AVEN: variants seen among roughly 807,000 people sequenced by gnomAD.
AVEN encodes the protein apoptosis and caspase activation inhibitor.
AVEN carries 41 observed loss-of-function variants against 38.1 expected under a neutral mutation model. The ratio of observed to expected loss-of-function variants is 1.08; its 90% CI spans 0.84 to 1.40. The LOEUF (loss-of-function observed/expected upper bound fraction) is 1.40. Ranked by LOEUF, AVEN falls within the 40% of genes most tolerant of loss-of-function variation. The probability of loss-of-function intolerance (pLI) is 0.00; values close to 1 mark genes in which losing one functional copy is unlikely to be tolerated. For synonymous variants in AVEN, 206 were observed against 171.8 expected (o/e 1.20, Z -1.56); for missense variants, 605 against 438.8 (o/e 1.38, Z -3.38).
rs1381411256 is a variant in AVEN at position 34,073,986 on chromosome 15, C to CTTTTTTTTTTTTTT, written n.720+449_720+450insAAAAAAAAAAAAAA. Among the ~76,000 whole-genome samples, 58 of 112,186 alleles carry CTTTTTTTTTTTTTT rather than the reference C, an allele frequency of 5.2e-4. 17 individuals carry two copies. Among genetic ancestry groups the CTTTTTTTTTTTTTT allele is most frequent in the African/African-American group, 1.5e-3 (36 of 24,268 alleles). The allele number at this position is 112,186 out of a possible 152,430, so 73.6% of individuals were successfully genotyped here. Reference sequence around the variant, plus strand: ...TGGAGGAACTTTCTTTTTTCTTCTTCTTCTTTTTTTTTTTTTTTTTTTTTT... The same window carrying CTTTTTTTTTTTTTT: ...TGGAGGAACTTTCTTTTTTCTTCTTCTTTTTTTTTTTTTTTTCTTTTTTTTTTTTTTTTTTTTTT... On this transcript the variant is annotated intron_variant and non_coding_transcript_variant, in intron 1 of 11. Transcript: ENST00000675287.
intron 2 of AVEN, among the ~76,000 whole-genome samples, chr15:33,975,281 T>C (rs765137064): frequency 3.9e-5 from 6 of 152,188 alleles, no homozygotes; most frequent in East Asian, 3.9e-4. Flanking sequence ...TGATTCCATA[T>C]AGACACTGCC....
At chr15:33,877,938 G>A (rs1420543973) in intron 2 of AVEN, among the ~76,000 whole-genome samples, 1 of 152,148 alleles carries the variant, frequency 6.6e-6, no homozygotes, top group African/African-American at 2.4e-5. Context: ...ATCAGAGCAA[G>A]TCTCTGTCTC....
chr15:33,915,833 T>A (rs75927172), intron 2 of AVEN, among the ~76,000 whole-genome samples: 1 of 152,166 alleles, frequency 6.6e-6, no homozygotes, highest in Non-Finnish European at 1.5e-5. Flanking sequence ...ATAAACTCCG[T>A]GCTGTTGGAG....
intron 3 of AVEN, among the ~76,000 whole-genome samples, 189 bp downstream of exon 3, chr15:33,875,736 G>T (rs746905132): frequency 6.6e-6 from 1 of 152,106 alleles, no homozygotes; most frequent in Non-Finnish European, 1.5e-5. Flanking sequence ...CAGGTAGAAA[G>T]GTGAACTCTA....
intron 1 of AVEN, among the ~76,000 whole-genome samples, chr15:34,016,015 G>A (rs566629432): frequency 2.0e-5 from 3 of 152,288 alleles, no homozygotes; most frequent in African/African-American, 7.2e-5. Flanking sequence ...GGTGGCTCAT[G>A]CCTGTAATCC....
intron 4 of AVEN, 54 bp downstream of exon 4, chr15:33,870,880 CT>C: frequency 2.2e-6 from 3 of 1,351,566 alleles, no homozygotes; most frequent in Admixed American, 1.9e-5. Flanking sequence ...GTGTTCCCCT[CT>C]TTTTCTCCTC....
upstream of AVEN, among the ~76,000 whole-genome samples, chr15:34,042,986 G>A (rs574474031): frequency 7.2e-5 from 11 of 151,944 alleles, no homozygotes; most frequent in Admixed American, 1.3e-4. Flanking sequence ...GGTGGCTCAC[G>A]CCTGTAATCC....
intron 2 of AVEN, among the ~76,000 whole-genome samples, chr15:34,001,366 T>C (rs1357771718): frequency 6.6e-6 from 1 of 152,142 alleles, no homozygotes; most frequent in Non-Finnish European, 1.5e-5. Flanking sequence ...TGAAGTATCT[T>C]TTTTTTGACA....
At chr15:33,854,317 T>C (rs563928917), downstream of AVEN, 223 of 1,314,146 alleles carry the variant, frequency 1.7e-4, 2 homozygotes, top group South Asian at 2.8e-3. Flanking sequence ...AAAAACTTAC[T>C]TTTTCCCCCT....
At chr15:33,920,749 G>C (rs1175669892) in intron 2 of AVEN, among the ~76,000 whole-genome samples, 2 of 151,782 alleles carry the variant, frequency 1.3e-5, no homozygotes, top group African/African-American at 2.4e-5. Flanking sequence ...TTACATGTTT[G>C]ATGATTACTT....
At chr15:33,919,253 A>G (rs1317562465) in intron 2 of AVEN, among the ~76,000 whole-genome samples, 1 of 152,180 alleles carries the variant, frequency 6.6e-6, no homozygotes, top group Non-Finnish European at 1.5e-5. Flanking sequence ...TAACATAAAT[A>G]TTCTTAGCAG....
Position 34,008,483 on chromosome 15 carries a change from CTTTTTTTTTTTT to C in AVEN, c.268-5286_268-5275del, listed in dbSNP as rs200355232. Among the ~76,000 whole-genome samples, 212 of 119,226 alleles carry C rather than the reference CTTTTTTTTTTTT, an allele frequency of 1.8e-3. 1 individual carries two copies. Among genetic ancestry groups the C allele is most frequent in the East Asian group, 0.018 (68 of 3,866 alleles). The allele number at this position is 119,226 out of a possible 152,430, so 78.2% of individuals were successfully genotyped here. A position where few individuals can be genotyped will look rare whatever the true frequency, so the allele number is the denominator to read the frequency against. On this transcript the variant is annotated intron_variant, in intron 1 of 5. Transcript: ENST00000306730. ...AAACTTCCCAAAGTTGATGAAAAAC[CTTTTTTTTTTTT>C]TTTTTTTTTTTGAGACAGAGTCTTG...
chr15:34,026,848 G>A (rs976913882), intron 1 of AVEN, among the ~76,000 whole-genome samples: 1 of 152,128 alleles, frequency 6.6e-6, no homozygotes, highest in Admixed American at 6.5e-5. Context: ...AGAGAGTTCT[G>A]TGCTTTGGCT....
downstream of AVEN, chr15:33,854,259 C>T: frequency 4.3e-6 from 3 of 695,934 alleles, no homozygotes; most frequent in Middle Eastern, 3.3e-4. Context: ...GGAGCACATA[C>T]AACTTGATAA....
intron 3 of AVEN, among the ~76,000 whole-genome samples, chr15:33,872,156 TG>T (rs935810988): frequency 8.5e-5 from 13 of 152,100 alleles, no homozygotes; most frequent in African/African-American, 2.7e-4. Context: ...ACTCCAGTGC[TG>T]GGGAGAGGGG....
At position 33,931,528 on chromosome 15, in the gene AVEN, A is replaced by G. The variant is rs918478779; in HGVS notation, c.446-55533T>C. 3.3e-5 allele frequency among the ~76,000 whole-genome samples: 5 copies of G among 150,700 alleles called. No homozygotes were observed. In the East Asian group the frequency reaches 5.8e-4, roughly 18 times the overall value. On this transcript the variant is annotated intron_variant, in intron 2 of 5. Coordinates refer to ENST00000306730, the MANE Select transcript of AVEN (RefSeq NM_020371.3). ...TGGGACTACAGGCACCCGCCACCACACCCAGCTAATTTTTTGTATTTTTAG... is the reference window on the plus strand; with the variant it reads ...TGGGACTACAGGCACCCGCCACCACGCCCAGCTAATTTTTTGTATTTTTAG...
At chr15:33,860,423 T>C (rs1164936143) in intron 11 of AVEN, among the ~76,000 whole-genome samples, 1 of 152,036 alleles carries the variant, frequency 6.6e-6, no homozygotes, top group Admixed American at 6.6e-5. Flanking sequence ...GGAGGAACAA[T>C]GAGAAATTGT....
intron 2 of AVEN, among the ~76,000 whole-genome samples, chr15:33,987,314 T>C (rs1375533225): frequency 2.0e-5 from 3 of 152,206 alleles, no homozygotes; most frequent in Non-Finnish European, 4.4e-5. Context: ...TTTGATAAAC[T>C]AAGATCAAAT....
At chr15:34,053,299 CAA>C (rs71454513) in intron 5 of AVEN, among the ~76,000 whole-genome samples, 1,207 of 51,390 alleles carry the variant, frequency 0.023, 23 homozygotes, top group East Asian at 0.17. Flanking sequence ...GACTCCATCT[CAA>C]AAAAAAAAAA....
Sources: gnomAD v4.1 joint callset for allele counts (sites outside exome capture counted in the v4.1 genomes callset) on GRCh38, gnomAD v4.1.1 for gene constraint, MANE v1.5 for transcripts, NCBI Gene and HGNC (gene_info 2026-07-23, HGNC 2026-07-21) for gene names.